Variants in CES1 observed in about 807,000 individuals in gnomAD.
CES1 encodes carboxylesterase 1, also known as liver carboxylesterase 1.
In CES1, 50 loss-of-function variants were observed where a neutral mutation model predicts 53.0. The ratio of observed to expected loss-of-function variants is 0.94; its 90% CI spans 0.75 to 1.19. The LOEUF is 1.19. CES1 is among the 50% of genes most tolerant of loss of function. The probability of loss-of-function intolerance (pLI) is 0.00; values close to 1 mark genes in which losing one functional copy is unlikely to be tolerated. For synonymous variants in CES1, 202 were observed against 210.1 expected, an observed-to-expected ratio of 0.96 and a Z score of 0.33; for missense variants, 534 against 538.0, an observed-to-expected ratio of 0.99 and a Z score of 0.07.
intron 8 of CES1, among the ~76,000 whole-genome samples, chr16:55,815,194 A>G (rs1364990901): frequency 6.6e-6 from 1 of 152,310 alleles, no homozygotes; most frequent in South Asian, 2.1e-4. Context: ...CAGGGTCTAG[A>G]GGGAGGGACA....
At chr16:55,812,800 C>G in intron 9 of CES1, 103 bp downstream of exon 9, 2 of 1,521,880 alleles carry the variant, frequency 1.3e-6, no homozygotes, top group South Asian at 2.2e-5. Flanking sequence ...AACAGCTGCC[C>G]AGGACTCAGA....
Position 55,823,620 on chromosome 16 carries a change from C to T in CES1, c.469G>A (p.Ala157Thr), listed in dbSNP as rs187158640. Residue 157 changes from alanine (A) to threonine (T), a missense_variant, in exon 4 of 14, where the codon GCC becomes ACC. Ala to Thr is a moderately conservative substitution (Grantham distance 58). Around this residue, in one of 5 missense-constraint regions of CES1, gnomAD observed 4 missense variants for 50.0 expected, o/e 0.08. Transcript: ENST00000360526. ...VGAASTYDGL[A>T]LAAHENVVVV... ...ACCACGTTTTCATGGGCAGCAAGGG[C>T]CAGCCCATCATAGGTTGATGCCGCA... The T allele has an allele frequency of 6.2e-7, 1 of 1,614,042 alleles. No homozygotes were observed. Among genetic ancestry groups the T allele is most frequent in the East Asian group, 2.2e-5 (1 of 44,888 alleles).
chr16:55,810,302 C>A (rs1326348976), intron 11 of CES1, among the ~76,000 whole-genome samples: 1 of 152,164 alleles, frequency 6.6e-6, no homozygotes. Context: ...GGGATCATCA[C>A]CTTAAAAAAA....
intron 5 of CES1, 35 bp from the exon 6 acceptor site, chr16:55,820,514 T>C (rs767685613): frequency 6.2e-7 from 1 of 1,606,156 alleles, no homozygotes; most frequent in South Asian, 1.1e-5. Context: ...GAGTTCATGC[T>C]CAGGAGTGGG....
chr16:55,817,262 T>C (rs1230382458), intron 7 of CES1, among the ~76,000 whole-genome samples: 2 of 152,104 alleles, frequency 1.3e-5, no homozygotes, highest in Non-Finnish European at 2.9e-5. Flanking sequence ...TCCCAGGAGA[T>C]ATATCTGCCT....
chr16:55,825,087 C>T (rs1330847719), intron 3 of CES1, among the ~76,000 whole-genome samples: 1 of 152,224 alleles, frequency 6.6e-6, no homozygotes, highest in African/African-American at 2.4e-5. Context: ...TCCTTGAAGG[C>T]AGGGGCTGTG....
Position 55,828,934 on chromosome 16 carries a change from A to T in CES1, c.93T>A (p.His31Gln), listed in dbSNP as rs1296411217. The change falls in exon 2 of 14, where the codon CAT becomes CAA. Residue 31 changes from histidine to glutamine, a missense_variant. Around this residue, in one of 5 missense-constraint regions of CES1, gnomAD observed 164 missense variants for 162.4 expected, o/e 1.01. Transcript: ENST00000360526. ...PSSPPVVDTV[H>Q]GKVLGKFVSL... is the part of the protein sequence containing the mutation. ...TGACGAACTTCCCCAGCACTTTGCC[A>T]TGCACGGTGTCCACCACAGGTGGCG... The T allele has an allele frequency of 6.2e-7, 1 of 1,613,586 alleles. No homozygotes were observed. The highest frequency in any genetic ancestry group is 1.7e-4 in the Middle Eastern group (1 of 6,060).
intron 7 of CES1, among the ~76,000 whole-genome samples, chr16:55,818,332 C>G (rs562020094): frequency 2.0e-5 from 3 of 152,230 alleles, no homozygotes; most frequent in African/African-American, 7.2e-5. Context: ...GCAGGGAAGG[C>G]AGAAGATACT....
At chr16:55,810,382 T>C in intron 11 of CES1, 135 bp downstream of exon 11, 1 of 1,181,450 alleles carries the variant, frequency 8.5e-7, no homozygotes. Flanking sequence ...CAGCACCTCA[T>C]CCCATGCCAT....
chr16:55,811,289 T>C (rs1217386556), intron 9 of CES1, among the ~76,000 whole-genome samples: 1 of 151,446 alleles, frequency 6.6e-6, no homozygotes, highest in Non-Finnish European at 1.5e-5. Context: ...CGCGTGTGTG[T>C]GTGTGTGTCT....
intron 9 of CES1, chr16:55,812,423 G>A (rs111549570): frequency 7.2e-5 from 17 of 237,166 alleles, no homozygotes; most frequent in African/African-American, 1.8e-4. Flanking sequence ...GCTGATGTCT[G>A]CTGTTCCCTA....
chr16:55,817,296 G>A (rs1321140555), intron 7 of CES1, among the ~76,000 whole-genome samples: 16 of 152,164 alleles, frequency 1.1e-4, no homozygotes, highest in African/African-American at 3.9e-4. Context: ...ACACAGAGAT[G>A]TGCAAAGCTG....
At chr16:55,809,934 T>A (rs1205631516) in intron 11 of CES1, among the ~76,000 whole-genome samples, 1 of 152,228 alleles carries the variant, frequency 6.6e-6, no homozygotes, top group Non-Finnish European at 1.5e-5. Flanking sequence ...GGGTCTCACC[T>A]ATATCCCCTC....
chr16:55,817,031 G>A (rs2031973901), intron 7 of CES1, 69 bp from the exon 8 acceptor site: 2 of 1,534,042 alleles, frequency 1.3e-6, no homozygotes, highest in Non-Finnish European at 1.8e-6. Flanking sequence ...GGTGAGTGGG[G>A]CAACAGAGGT....
At chr16:55,826,513 C>T (rs1380843147) in intron 2 of CES1, among the ~76,000 whole-genome samples, 1 of 152,214 alleles carries the variant, frequency 6.6e-6, no homozygotes, top group Non-Finnish European at 1.5e-5. Flanking sequence ...AAGGGCTTCA[C>T]ACCTCTTCCC....
intron 1 of CES1, among the ~76,000 whole-genome samples, chr16:55,830,539 T>C (rs2032596616): frequency 6.6e-6 from 1 of 152,156 alleles, no homozygotes; most frequent in African/African-American, 2.4e-5. Flanking sequence ...GCACAGTGGA[T>C]CACCTGTAAT....
intron 6 of CES1, 148 bp from the exon 7 acceptor site, chr16:55,819,787 G>T (rs2032098491): frequency 1.3e-6 from 1 of 748,732 alleles, no homozygotes; most frequent in African/African-American, 1.7e-5. Flanking sequence ...TGGGTTCCAG[G>T]TCCCACGGAG....
At chr16:55,824,305 T>A (rs1281595240) in intron 3 of CES1, among the ~76,000 whole-genome samples, 1 of 152,292 alleles carries the variant, frequency 6.6e-6, no homozygotes, top group Admixed American at 6.5e-5. Context: ...TGCCAGGGAC[T>A]CTGCTAATAC....
At chr16:55,813,150 T>C in intron 8 of CES1, 107 bp from the exon 9 acceptor site, 11 of 1,448,740 alleles carry the variant, frequency 7.6e-6, no homozygotes, top group Non-Finnish European at 1.1e-5. Context: ...GGCATGGCCA[T>C]GCGCCATGGC....
Sources: allele counts gnomAD v4.1 joint callset (sites outside exome capture counted in the v4.1 genomes callset), GRCh38; gene constraint gnomAD v4.1.1; regional missense constraint gnomAD v4.1.1; transcripts MANE v1.5; gene names NCBI Gene and HGNC (gene_info 2026-07-23, HGNC 2026-07-21).